MALT1: variants seen among roughly 807,000 people sequenced by gnomAD.
The protein encoded by MALT1 is mucosa-associated lymphoid tissue lymphoma translocation protein 1.
MALT1 carries 36 observed loss-of-function variants against 85.5 expected under a neutral mutation model. The observed-to-expected ratio is 0.42, with a 90% CI of 0.32 to 0.56. The LOEUF (loss-of-function observed/expected upper bound fraction) is 0.56, where lower values mean the gene tolerates loss of function less well. Among genes scored for constraint, MALT1 ranks in the 20% least tolerant of loss-of-function variants. The pLI is 0.10. For synonymous variants in MALT1, 359 were observed against 361.3 expected (o/e 0.99, Z 0.07); for missense variants, 716 against 981.6 (o/e 0.73, Z 3.62).
intron 9 of MALT1, among the ~76,000 whole-genome samples, chr18:58,720,326 C>T (rs1354706189): frequency 2.0e-5 from 3 of 152,194 alleles, no homozygotes; most frequent in South Asian, 2.1e-4. Context: ...GTTTCTCTGT[C>T]GTGTCCTTTT....
intron 10 of MALT1, among the ~76,000 whole-genome samples, chr18:58,725,146 GAATAA>G (rs1313643694): frequency 2.7e-5 from 4 of 149,648 alleles, no homozygotes; most frequent in African/African-American, 4.9e-5. Context: ...AAAAAAAATA[GAATAA>G]AATAAAATAA....
chr18:58,686,772 G>A (rs917664781), intron 2 of MALT1, among the ~76,000 whole-genome samples: 8 of 152,132 alleles, frequency 5.3e-5, no homozygotes, highest in African/African-American at 1.9e-4. Context: ...AAGTGCAAAG[G>A]TTGTTTAATG....
chr18:58,742,362 A>G (rs1016746561), intron 14 of MALT1, among the ~76,000 whole-genome samples: 3 of 152,172 alleles, frequency 2.0e-5, no homozygotes, highest in Non-Finnish European at 2.9e-5. Context: ...GTTCTGATCC[A>G]GTCTCTACCA....
chr18:58,723,340 T>C (rs2055010217), intron 10 of MALT1, 89 bp downstream of exon 10: 2 of 931,836 alleles, frequency 2.1e-6, no homozygotes, highest in Middle Eastern at 3.0e-4. Context: ...CAGATAAAGA[T>C]AAGGTAAACA....
chr18:58,741,194 A>G lies in MALT1; in HGVS notation c.1604-671A>G, dbSNP rs186351256. On this transcript the variant is annotated intron_variant, in intron 13 of 16. Transcript: ENST00000649217. ...CATATAACAGATTGTTTAAAATCCA[A>G]TCTGATAATCTTGGTCTTTTAATGA... Among the ~76,000 whole-genome samples, 79 of 152,256 alleles carry G rather than the reference A, an allele frequency of 5.2e-4. 1 individual carries two copies. The East Asian group carries it at 0.012, about 23-fold the overall frequency.
At chr18:58,682,639 C>T (rs567610342) in intron 2 of MALT1, among the ~76,000 whole-genome samples, 19 of 152,294 alleles carry the variant, frequency 1.2e-4, no homozygotes, top group African/African-American at 4.1e-4. Flanking sequence ...TGTGCTGACT[C>T]GCCTGGCTTG....
chr18:58,719,756 C>T (rs556158313), intron 9 of MALT1, among the ~76,000 whole-genome samples: 144 of 152,278 alleles, frequency 9.5e-4, no homozygotes, highest in African/African-American at 3.3e-3. Flanking sequence ...CAGTCTAACC[C>T]CCAGCCACTC....
At chr18:58,676,764 A>G (rs2054246110) in intron 1 of MALT1, among the ~76,000 whole-genome samples, 1 of 152,234 alleles carries the variant, frequency 6.6e-6, no homozygotes, top group African/African-American at 2.4e-5. Context: ...ATCCAGGAAG[A>G]TACAGAATTT....
At chr18:58,736,464 G>GAA (rs1352514851) in intron 13 of MALT1, among the ~76,000 whole-genome samples, 2 of 150,608 alleles carry the variant, frequency 1.3e-5, no homozygotes, top group Non-Finnish European at 3.0e-5. Flanking sequence ...AAGAAAGAAA[G>GAA]AAAACCTTTG....
intron 4 of MALT1, among the ~76,000 whole-genome samples, chr18:58,703,683 T>A (rs1355800352): frequency 1.3e-5 from 2 of 152,134 alleles, no homozygotes; most frequent in African/African-American, 2.4e-5. Context: ...GCCCCCATGA[T>A]CCAATCGCTT....
At chr18:58,722,323 A>T (rs530654272) in intron 9 of MALT1, among the ~76,000 whole-genome samples, 1 of 152,116 alleles carries the variant, frequency 6.6e-6, no homozygotes, top group East Asian at 1.9e-4. Flanking sequence ...TTTTTCTCTT[A>T]TGAACAAAAA....
intron 2 of MALT1, among the ~76,000 whole-genome samples, chr18:58,689,258 TAA>T (rs11421834): frequency 6.9e-5 from 10 of 143,902 alleles, no homozygotes; most frequent in Non-Finnish European, 7.6e-5. Context: ...TTTTACAATG[TAA>T]AAAAAAAAAA....
intron 10 of MALT1, among the ~76,000 whole-genome samples, chr18:58,727,642 T>TTTTTTTTTTTTTTTTTGG (rs2055082310): frequency 7.0e-6 from 1 of 143,646 alleles, no homozygotes; most frequent in African/African-American, 2.5e-5. Flanking sequence ...TTTTTTTTTT[T>TTTTTTTTTTTTTTTTTGG]GAGGAAAAAA....
chr18:58,709,893 G>A (rs777248980), intron 5 of MALT1, 83 bp from the exon 6 acceptor site: 29 of 882,180 alleles, frequency 3.3e-5, no homozygotes, highest in South Asian at 2.6e-4. Context: ...GTTTTGGAGC[G>A]TATTTTTAAA....
chr18:58,704,734 G>A (rs1382194053), intron 4 of MALT1, among the ~76,000 whole-genome samples: 2 of 152,146 alleles, frequency 1.3e-5, no homozygotes, highest in Non-Finnish European at 2.9e-5. Flanking sequence ...ATGAGCCACC[G>A]CGCCTGGCCA....
chr18:58,696,363 T>TTTG lies in MALT1; in HGVS notation c.377-3_377-2insTTG. The TTTG allele has an allele frequency of 1.5e-6, 2 of 1,373,300 alleles. No individual in the cohort carries two copies. The highest frequency in any genetic ancestry group is 1.9e-6 in the Non-Finnish European group (2 of 1,050,654). 85.1% of individuals were successfully genotyped at this position (1,373,300 alleles called of 1,614,324 possible). On this transcript the variant is annotated splice_polypyrimidine_tract_variant and splice_region_variant and intron_variant, in intron 2 of 16. Coordinates refer to ENST00000649217, the MANE Select transcript of MALT1 (RefSeq NM_006785.4). ...TTTTTTTTTTTTTTTTTTTTTTTTT[T>TTTG]AGGAATAAAGATTACTGTAAACCCA...
intron 4 of MALT1, among the ~76,000 whole-genome samples, chr18:58,705,895 G>A (rs545016332): frequency 4.4e-4 from 67 of 152,080 alleles, no homozygotes; most frequent in African/African-American, 1.6e-3. Context: ...CTGAGGAATC[G>A]CCACACTGAC....
chr18:58,742,150 C>T (rs1248222367), intron 14 of MALT1, 136 bp downstream of exon 14: 2 of 488,692 alleles, frequency 4.1e-6, no homozygotes, highest in Non-Finnish European at 6.7e-6. Flanking sequence ...TCAAACCAAA[C>T]AAATATTTCA....
intron 2 of MALT1, among the ~76,000 whole-genome samples, chr18:58,683,878 A>C (rs1250591979): frequency 6.6e-6 from 1 of 151,870 alleles, no homozygotes; most frequent in Non-Finnish European, 1.5e-5. Context: ...TTTGTTTTTA[A>C]TTTTCTCTTC....
Sources: gnomAD v4.1 joint callset for allele counts (sites outside exome capture counted in the v4.1 genomes callset) on GRCh38, gnomAD v4.1.1 for gene constraint, MANE v1.5 for transcripts, NCBI Gene and HGNC (gene_info 2026-07-23, HGNC 2026-07-21) for gene names.